The following FOLH1 variants were observed in gnomAD, a reference collection of about 807,000 sequenced individuals.
FOLH1 encodes folate hydrolase 1.
In FOLH1, 54 loss-of-function variants were observed where a neutral mutation model predicts 93.9. The ratio of observed to expected loss-of-function variants is 0.57; its 90% CI spans 0.46 to 0.72. FOLH1 has a LOEUF of 0.72. Among genes scored for constraint, FOLH1 ranks in the 30% least tolerant of loss-of-function variants. FOLH1 has a pLI of 0.00. For synonymous variants in FOLH1, 249 were observed against 303.6 expected (o/e 0.82, Z 1.87); for missense variants, 571 against 892.5 (o/e 0.64, Z 4.59).
At chr11:49,181,581 C>T (rs755284858) in intron 7 of FOLH1, among the ~76,000 whole-genome samples, 2 of 151,788 alleles carry the variant, frequency 1.3e-5, no homozygotes, top group East Asian at 1.9e-4. Flanking sequence ...ATGTATTATT[C>T]GAGTACATAT....
At chr11:49,206,204 T>C in intron 1 of FOLH1, 32 bp from the exon 2 acceptor site, 1 of 1,609,746 alleles carries the variant, frequency 6.2e-7, no homozygotes. Context: ...AGGCATGAGA[T>C]ACGAGCCTAT....
Position 49,208,337 on chromosome 11 carries a change from C to T in FOLH1, c.73G>A (p.Ala25Thr). 6.3e-7 allele frequency: 1 copy of T among 1,598,272 alleles called. No individual in the cohort carries two copies. Residue 25 changes from alanine (A) to threonine (T), a missense_variant, in exon 1 of 19, where the codon GCG becomes ACG. Coordinates refer to ENST00000256999, the MANE Select transcript of FOLH1 (RefSeq NM_004476.3). ...ARRPRWLCAG[A>T]LVLAGGFFLL... ...AAGAAGCCACCCGCCAGCACCAGCGCCCCAGCGCACAGCCAGCGCGGGCGG... is the reference window on the plus strand; with the variant it reads ...AAGAAGCCACCCGCCAGCACCAGCGTCCCAGCGCACAGCCAGCGCGGGCGG...
intron 7 of FOLH1, among the ~76,000 whole-genome samples, chr11:49,178,328 A>G (rs35030333): frequency 6.6e-6 from 1 of 152,180 alleles, no homozygotes; most frequent in African/African-American, 2.4e-5. Context: ...AACTAATAAC[A>G]TCAGTTGCTT....
At chr11:49,168,717 C>T (rs887874069) in intron 12 of FOLH1, among the ~76,000 whole-genome samples, 8 of 152,144 alleles carry the variant, frequency 5.3e-5, no homozygotes, top group Non-Finnish European at 1.0e-4. Flanking sequence ...GTGATCCACC[C>T]GCTTCAGCCT....
intron 17 of FOLH1, among the ~76,000 whole-genome samples, chr11:49,151,274 C>T (rs1856480704): frequency 6.6e-6 from 1 of 152,218 alleles, no homozygotes; most frequent in South Asian, 2.1e-4. Context: ...CTGTTAGCAA[C>T]TCCGATAAAC....
At chr11:49,200,515 C>T in intron 2 of FOLH1, 74 bp from the exon 3 acceptor site, 1 of 1,506,408 alleles carries the variant, frequency 6.6e-7, no homozygotes, top group Non-Finnish European at 9.1e-7. Context: ...CAAAGTAAAG[C>T]AGAGTTACAC....
chr11:49,151,607 T>C (rs1856520467), intron 17 of FOLH1, among the ~76,000 whole-genome samples: 2 of 152,216 alleles, frequency 1.3e-5, no homozygotes, highest in Admixed American at 6.6e-5. Context: ...TTTACTATTA[T>C]GTGCAAAGCA....
At chr11:49,204,971 G>A (rs973712838) in intron 2 of FOLH1, among the ~76,000 whole-genome samples, 1 of 152,136 alleles carries the variant, frequency 6.6e-6, no homozygotes, top group Admixed American at 6.5e-5. Context: ...AGTACTTTGG[G>A]AAGCCGAGGC....
intron 17 of FOLH1, among the ~76,000 whole-genome samples, chr11:49,149,111 T>TG (rs1450869312): frequency 1.4e-5 from 2 of 147,050 alleles, no homozygotes; most frequent in South Asian, 2.2e-4. Flanking sequence ...GGGCCTGTCG[T>TG]GGGGTGGGGT....
intron 6 of FOLH1, among the ~76,000 whole-genome samples, chr11:49,183,659 T>A (rs1256450607): frequency 6.6e-6 from 1 of 152,012 alleles, no homozygotes; most frequent in East Asian, 1.9e-4. Context: ...CGTAGTATAA[T>A]CCCACAATGG....
chr11:49,177,722 C>A (rs779330121), intron 7 of FOLH1, among the ~76,000 whole-genome samples: 79 of 142,802 alleles, frequency 5.5e-4, no homozygotes, highest in Non-Finnish European at 9.7e-4. Flanking sequence ...GCGAGGCAAG[C>A]GGATCACCTG....
intron 1 of FOLH1, 42 bp from the exon 2 acceptor site, chr11:49,206,214 T>C (rs551422156): frequency 3.1e-6 from 5 of 1,607,554 alleles, no homozygotes; most frequent in Admixed American, 3.4e-5. Flanking sequence ...TACGAGCCTA[T>C]AGATAGGACT....
At chr11:49,160,892 A>G (rs1336576359) in intron 13 of FOLH1, among the ~76,000 whole-genome samples, 1 of 152,128 alleles carries the variant, frequency 6.6e-6, no homozygotes, top group African/African-American at 2.4e-5. Flanking sequence ...CTCATTATAT[A>G]CCCACAAGTC....
At position 49,167,858 on chromosome 11, in the gene FOLH1, GAAAA is replaced by G. The variant is rs1199049004; in HGVS notation, c.1372+1333_1372+1336del. Among the ~76,000 whole-genome samples, 19 of 140,654 alleles carry G rather than the reference GAAAA, an allele frequency of 1.4e-4. No homozygotes were observed. In the South Asian group the frequency reaches 3.3e-3, roughly 24 times the overall value. The allele number at this position is 140,654 out of a possible 152,430, so 92.3% of individuals were successfully genotyped here. On this transcript the variant is annotated intron_variant, in intron 12 of 18. Transcript: ENST00000256999. ...AAAAAACAGAAGAAGAACAGAAACA[GAAAA>G]AAAAAACAAACAAACAAAAAACAGA... is the stretch of plus-strand genomic sequence containing the variant.
At chr11:49,149,128 G>T (rs553837730) in intron 17 of FOLH1, among the ~76,000 whole-genome samples, 4 of 152,074 alleles carry the variant, frequency 2.6e-5, no homozygotes, top group Non-Finnish European at 5.9e-5. Flanking sequence ...GGGTGAGGGG[G>T]GAAGGATAGC....
chr11:49,159,670 T>C (rs1378863898), intron 13 of FOLH1, among the ~76,000 whole-genome samples: 1 of 152,120 alleles, frequency 6.6e-6, no homozygotes, highest in African/African-American at 2.4e-5. Flanking sequence ...GAGTCTCTCC[T>C]CCTAATTATT....
rs140001759 is a variant in FOLH1 at position 49,168,691 on chromosome 11, G to A, written c.1372+504C>T. On this transcript the variant is annotated intron_variant, in intron 12 of 18. Coordinates refer to ENST00000256999, the MANE Select transcript of FOLH1 (RefSeq NM_004476.3). Reference sequence around the variant, plus strand: ...TCACCATGTTGGCCAGGCTGGTTTCGAAATCCTGACCTGAAGTGATCCACC... The same window carrying A: ...TCACCATGTTGGCCAGGCTGGTTTCAAAATCCTGACCTGAAGTGATCCACC... 6.5e-3 allele frequency among the ~76,000 whole-genome samples: 985 copies of A among 152,224 alleles called. 3 individuals are homozygous for A. The highest frequency in any genetic ancestry group is 0.015 in the East Asian group (78 of 5,162).
chr11:49,185,640 C>T (rs373409230), intron 6 of FOLH1, 29 bp downstream of exon 6: 6 of 1,612,664 alleles, frequency 3.7e-6, no homozygotes, highest in Non-Finnish European at 5.1e-6. Flanking sequence ...TGTTAAGTTT[C>T]CTATGATATT....
intron 11 of FOLH1, among the ~76,000 whole-genome samples, chr11:49,170,317 G>T (rs924759302): frequency 1.3e-5 from 2 of 152,136 alleles, no homozygotes; most frequent in African/African-American, 4.8e-5. Context: ...AAAGATAAAT[G>T]AAAAGTATAC....
Sources: gnomAD v4.1 joint callset for allele counts (sites outside exome capture counted in the v4.1 genomes callset) on GRCh38, gnomAD v4.1.1 for gene constraint, MANE v1.5 for transcripts, NCBI Gene and HGNC (gene_info 2026-07-23, HGNC 2026-07-21) for gene names.